ASXL3: variants seen among roughly 807,000 people sequenced by gnomAD.
The protein encoded by ASXL3 is putative Polycomb group protein ASXL3.
A neutral mutation model predicts 170.6 loss-of-function variants in ASXL3; 34 were observed. The ratio of observed to expected loss-of-function variants is 0.20; its 90% CI spans 0.15 to 0.27. ASXL3 has a LOEUF of 0.27. Ranked by LOEUF, ASXL3 falls within the 10% of genes least tolerant of loss-of-function variation. The pLI is 1.00. For missense variants in ASXL3, 2,592 were observed against 2,695.3 expected, an observed-to-expected ratio of 0.96 and a Z score of 0.85; for synonymous variants, 1,002 against 989.1, an observed-to-expected ratio of 1.01 and a Z score of -0.24.
chr18:33,626,538 A>G (rs1458910882), intron 2 of ASXL3: 1 of 149,102 alleles, frequency 6.7e-6, no homozygotes, highest in African/African-American at 2.5e-5. Context: ...TTTTTTCCTC[A>G]TGCTCTTTTA....
rs1599565577 is a variant in ASXL3, at chr18:33,739,865, G to A, written c.2461G>A (p.Glu821Lys). 1.2e-6 allele frequency: 2 copies of A among 1,613,860 alleles called. No homozygotes were observed. The highest frequency in any genetic ancestry group is 2.2e-5 in the East Asian group (1 of 44,864). The change falls in exon 11 of 12, where the codon GAA becomes AAA. Residue 821 changes from glutamate to lysine, a missense_variant. By Grantham distance (56) the Glu-to-Lys change is moderately conservative (BLOSUM62 1). Transcript: ENST00000269197. The part of the protein sequence containing the change: ...IIMSSSSIAP[E>K]AFPSEDLHNK... ...AATGAGTTCTTCTTCCATTGCTCCT[G>A]AAGCATTTCCGTCTGAAGATTTGCA...
intron 6 of ASXL3, among the ~76,000 whole-genome samples, chr18:33,671,543 C>G (rs1448350312): frequency 2.0e-5 from 3 of 152,096 alleles, no homozygotes; most frequent in Admixed American, 2.0e-4. Context: ...CACTATTAGG[C>G]CATCTGTTCT....
Position 33,732,008 on chromosome 18 carries a change from T to C in ASXL3, c.920T>C (p.Leu307Pro). 6.2e-7 allele frequency: 1 copy of C among 1,612,988 alleles called. No homozygotes were observed. Residue 307 changes from leucine to proline, a missense_variant, in exon 9 of 12, where the codon CTA becomes CCA. Transcript: ENST00000269197. ...DGILRLSTSA[L>P]NNEFFAYAAQ... ...ATTTTACGCCTCAGTACTTCAGCTC[T>C]AAATAATGAATTCTTTGCATATGCA...
At chr18:33,639,798 T>C (rs1477126692) in intron 2 of ASXL3, among the ~76,000 whole-genome samples, 2 of 152,196 alleles carry the variant, frequency 1.3e-5, no homozygotes, top group Non-Finnish European at 2.9e-5. Context: ...CTCTACTTGT[T>C]GTACAAACAG....
At chr18:33,734,044 T>TGTTTTAGCATTCTTCTAAAGCATTTA (rs2067500297) in intron 9 of ASXL3, among the ~76,000 whole-genome samples, 1 of 84,932 alleles carries the variant, frequency 1.2e-5, no homozygotes, top group African/African-American at 5.7e-5. Context: ...ATTTGCTAAA[T>TGTTTTAGCATTCTTCTAAAGCATTTA]GCTTTAGCAT....
intron 8 of ASXL3, among the ~76,000 whole-genome samples, chr18:33,700,955 A>G (rs1027673949): frequency 6.6e-5 from 10 of 152,082 alleles, no homozygotes. Context: ...TAGCGAGGTC[A>G]GAGAGAAGAG....
Position 33,626,450 on chromosome 18 carries a change from G to A in ASXL3, c.138-18444G>A, listed in dbSNP as rs1006853445. ...GTGGTGGGATTCAGGAGGAGTCAAG[G>A]CACATTTTATAATATCAAATAGACC... On this transcript the variant is annotated intron_variant, in intron 2 of 11. Coordinates refer to ENST00000269197, the MANE Select transcript of ASXL3 (RefSeq NM_030632.3). Among the ~76,000 whole-genome samples the A allele has an allele frequency of 9.2e-5, 14 of 151,960 alleles. 1 individual carries two copies. The highest frequency in any genetic ancestry group is 1.2e-4 in the Non-Finnish European group (8 of 67,994).
chr18:33,701,786 T>C (rs1042331610), intron 8 of ASXL3, among the ~76,000 whole-genome samples: 2 of 152,112 alleles, frequency 1.3e-5, no homozygotes, highest in African/African-American at 4.8e-5. Flanking sequence ...ATATAGAAAG[T>C]TAAACATTTT....
At chr18:33,614,923 T>C (rs2065399729) in intron 2 of ASXL3, 1 of 152,104 alleles carries the variant, frequency 6.6e-6, no homozygotes, top group Non-Finnish European at 1.5e-5. Context: ...TGTTTTTCCA[T>C]TTATAGAGTA....
At chr18:33,642,485 G>T (rs1480595071) in intron 2 of ASXL3, among the ~76,000 whole-genome samples, 1 of 151,818 alleles carries the variant, frequency 6.6e-6, no homozygotes, top group Non-Finnish European at 1.5e-5. Flanking sequence ...AGTGATTTTA[G>T]TTGTAAAATT....
At chr18:33,627,197 C>T (rs1399480552) in intron 2 of ASXL3, 1 of 152,168 alleles carries the variant, frequency 6.6e-6, no homozygotes, top group African/African-American at 2.4e-5. Flanking sequence ...AACTGAAGGC[C>T]AGGCAGTGCG....
At chr18:33,713,501 C>G (rs569419710) in intron 8 of ASXL3, among the ~76,000 whole-genome samples, 97 of 151,944 alleles carry the variant, frequency 6.4e-4, no homozygotes, top group Non-Finnish European at 1.1e-3. Context: ...GGTCCACCCC[C>G]ACCTCAGCCT....
chr18:33,700,451 A>T (rs972198786), intron 8 of ASXL3, among the ~76,000 whole-genome samples: 7 of 128,746 alleles, frequency 5.4e-5, no homozygotes, highest in African/African-American at 2.4e-4. Flanking sequence ...CCACAGGTTC[A>T]TTTTTTTTTT....
At chr18:33,602,621 A>G (rs1156543645) in intron 1 of ASXL3, among the ~76,000 whole-genome samples, 2 of 152,138 alleles carry the variant, frequency 1.3e-5, no homozygotes, top group East Asian at 1.9e-4. Flanking sequence ...GACTTAGCAC[A>G]TAGGAGTTGT....
chr18:33,699,766 T>C (rs79546064), intron 8 of ASXL3, among the ~76,000 whole-genome samples: 55 of 152,250 alleles, frequency 3.6e-4, no homozygotes, highest in Non-Finnish European at 6.6e-4. Flanking sequence ...ACTGTTCTTT[T>C]TAAAATTGCT....
chr18:33,653,615 C>T (rs544021941), intron 4 of ASXL3, among the ~76,000 whole-genome samples: 1 of 152,040 alleles, frequency 6.6e-6, no homozygotes, highest in Admixed American at 6.6e-5. Flanking sequence ...TTCCAGCCCC[C>T]AGATTATACA....
chr18:33,680,438 C>A (rs1714996069), intron 7 of ASXL3, among the ~76,000 whole-genome samples: 1 of 151,986 alleles, frequency 6.6e-6, no homozygotes, highest in Non-Finnish European at 1.5e-5. Context: ...TCTAATGGTT[C>A]AGTACAATGC....
rs1163712799 is a variant in ASXL3 at position 33,745,189 on chromosome 18, C to T, written c.5341C>T (p.Pro1781Ser). 1.2e-6 allele frequency: 2 copies of T among 1,613,860 alleles called. No homozygotes were observed. The highest frequency in any genetic ancestry group is 1.3e-5 in the African/African-American group (1 of 74,910). ...AKLEINRLPL[P>S]LQTTSVGKTA... is the part of the protein sequence containing the mutation. ...GCTTGAAATCAACAGGCTTCCATTG[C>T]CTCTTCAAACTACCTCAGTGGGTAA... Residue 1781 changes from proline (P) to serine (S), a missense_variant, in exon 12 of 12, where the codon CCT becomes TCT. Physicochemically the swap from Pro to Ser is moderately conservative, Grantham distance 74. Coordinates refer to ENST00000269197, the MANE Select transcript of ASXL3 (RefSeq NM_030632.3).
chr18:33,615,574 C>T (rs2065409761), intron 2 of ASXL3, among the ~76,000 whole-genome samples: 1 of 152,116 alleles, frequency 6.6e-6, no homozygotes, highest in African/African-American at 2.4e-5. Context: ...GCAGGGTTGC[C>T]TCAAACTTGC....
Sources: allele counts gnomAD v4.1 joint callset (sites outside exome capture counted in the v4.1 genomes callset), GRCh38; gene constraint gnomAD v4.1.1; transcripts MANE v1.5; gene names NCBI Gene and HGNC (gene_info 2026-07-23, HGNC 2026-07-21).